SEMA3D: variants seen among roughly 807,000 people sequenced by gnomAD.
SEMA3D encodes semaphorin-3D.
SEMA3D carries 84 observed loss-of-function variants against 100.1 expected under a neutral mutation model. That is an observed-to-expected ratio of 0.84 (90% CI 0.70 to 1.01). SEMA3D has a LOEUF of 1.01. Among genes scored for constraint, SEMA3D ranks in the 50% least tolerant of loss-of-function variants. The probability of loss-of-function intolerance (pLI) is 0.00; values close to 1 mark genes in which losing one functional copy is unlikely to be tolerated. For synonymous variants in SEMA3D, 312 were observed against 320.7 expected (o/e 0.97, Z 0.29); for missense variants, 875 against 934.1 (o/e 0.94, Z 0.82).
the SEMA3D span, among the ~76,000 whole-genome samples, chr7:85,209,310 G>A: frequency 6.6e-6 from 1 of 151,774 alleles, no homozygotes; most frequent in African/African-American, 2.4e-5. Flanking sequence ...GTGTATATAT[G>A]TATATGTATA....
chr7:85,065,364 T>C (rs1347239379), intron 8 of SEMA3D, 60 bp downstream of exon 8: 14 of 1,486,102 alleles, frequency 9.4e-6, no homozygotes, highest in South Asian at 3.5e-5. Context: ...AATAATACAC[T>C]TCTTATCTAT....
At chr7:85,025,867 CCT>C (rs1790378868) in intron 12 of SEMA3D, among the ~76,000 whole-genome samples, 1 of 152,030 alleles carries the variant, frequency 6.6e-6, no homozygotes, top group Admixed American at 6.6e-5. Context: ...TAATTTCTCT[CCT>C]TCCCTCTCCC....
At chr7:85,099,685 G>T (rs759155639) in intron 3 of SEMA3D, among the ~76,000 whole-genome samples, 5 of 151,804 alleles carry the variant, frequency 3.3e-5, no homozygotes, top group Non-Finnish European at 5.9e-5. Flanking sequence ...ATCTTCATTA[G>T]CATTTGGTGG....
At chr7:85,098,196 T>C (rs751075213) in intron 3 of SEMA3D, among the ~76,000 whole-genome samples, 3 of 151,738 alleles carry the variant, frequency 2.0e-5, no homozygotes, top group Non-Finnish European at 2.9e-5. Context: ...ACATACAGCA[T>C]AAAAGGGCCA....
intron 6 of SEMA3D, among the ~76,000 whole-genome samples, chr7:85,071,098 T>C (rs975028119): frequency 1.3e-4 from 20 of 152,246 alleles, no homozygotes; most frequent in African/African-American, 4.6e-4. Context: ...TATAAAACAC[T>C]ATTTGCCCCC....
At chr7:85,154,003 T>G (rs1790507627) in intron 1 of SEMA3D, among the ~76,000 whole-genome samples, 1 of 152,144 alleles carries the variant, frequency 6.6e-6, no homozygotes, top group Non-Finnish European at 1.5e-5. Context: ...CATGTTGATC[T>G]TATCCAAAAA....
intron 12 of SEMA3D, among the ~76,000 whole-genome samples, chr7:85,025,562 G>A (rs1295665804): frequency 6.6e-6 from 1 of 152,008 alleles, no homozygotes; most frequent in African/African-American, 2.4e-5. Context: ...GCCCCAGACA[G>A]CTGTCAAAGG....
the SEMA3D span, among the ~76,000 whole-genome samples, chr7:85,240,249 T>A: frequency 5.1e-4 from 77 of 152,286 alleles, no homozygotes; most frequent in African/African-American, 1.8e-3. Flanking sequence ...CATTGATTGA[T>A]ATGATCATAC....
chr7:85,250,225 G>C, the SEMA3D span, among the ~76,000 whole-genome samples: 6 of 147,832 alleles, frequency 4.1e-5, no homozygotes, highest in African/African-American at 1.5e-4. Flanking sequence ...CTACGTCCAC[G>C]GAGTCTTGCT....
intron 1 of SEMA3D, among the ~76,000 whole-genome samples, chr7:85,180,425 T>G (rs907676260): frequency 2.0e-5 from 3 of 152,192 alleles, no homozygotes; most frequent in Non-Finnish European, 4.4e-5. Flanking sequence ...CTTGGATATG[T>G]CTTCATAGCA....
intron 3 of SEMA3D, among the ~76,000 whole-genome samples, chr7:85,114,783 A>T (rs1169959837): frequency 6.6e-6 from 1 of 152,230 alleles, no homozygotes; most frequent in East Asian, 1.9e-4. Context: ...AAGGGCTGAG[A>T]TGAATGAAAA....
chr7:85,203,922 A>T, the SEMA3D span, among the ~76,000 whole-genome samples: 1 of 152,178 alleles, frequency 6.6e-6, no homozygotes, highest in Admixed American at 6.6e-5. Context: ...TTGGAATAAA[A>T]AAATGCTTCT....
At chr7:85,090,699 A>C (rs1788359387) in intron 4 of SEMA3D, among the ~76,000 whole-genome samples, 1 of 152,158 alleles carries the variant, frequency 6.6e-6, no homozygotes. Context: ...ATAGAACTGG[A>C]GTCAGAACAT....
intron 1 of SEMA3D, among the ~76,000 whole-genome samples, chr7:85,162,158 C>A (rs1790764965): frequency 6.6e-6 from 1 of 151,830 alleles, no homozygotes; most frequent in Non-Finnish European, 1.5e-5. Flanking sequence ...AGTAACAAAG[C>A]AAGAATCAGA....
At chr7:85,018,192 G>T (rs903729478) in intron 15 of SEMA3D, 60 bp downstream of exon 15, 5 of 986,498 alleles carry the variant, frequency 5.1e-6, no homozygotes, top group Middle Eastern at 2.1e-4. Flanking sequence ...TTCAAATAAA[G>T]TTTGATTCAA....
At chr7:85,203,994 G>A in the SEMA3D span, among the ~76,000 whole-genome samples, 1 of 152,020 alleles carries the variant, frequency 6.6e-6, no homozygotes, top group Non-Finnish European at 1.5e-5. Flanking sequence ...CCCATGGAAT[G>A]AGGGGAAGAT....
the SEMA3D span, among the ~76,000 whole-genome samples, chr7:85,199,333 T>G: frequency 6.6e-6 from 1 of 152,144 alleles, no homozygotes; most frequent in African/African-American, 2.4e-5. Flanking sequence ...CATTATTTGC[T>G]CTACTTGATT....
At chr7:85,002,309 CT>C (rs1290220261) in intron 18 of SEMA3D, among the ~76,000 whole-genome samples, 2 of 152,148 alleles carry the variant, frequency 1.3e-5, no homozygotes, top group African/African-American at 4.8e-5. Context: ...CTTTCTAGGT[CT>C]AACTAATGTC....
upstream of SEMA3D, among the ~76,000 whole-genome samples, chr7:85,188,056 A>G (rs1433851071): frequency 1.3e-5 from 2 of 152,218 alleles, no homozygotes; most frequent in African/African-American, 4.8e-5. Flanking sequence ...GTAGGGTCCC[A>G]AAGCTTCCTT....
Sources: gnomAD v4.1 joint callset for allele counts (sites outside exome capture counted in the v4.1 genomes callset) on GRCh38, gnomAD v4.1.1 for gene constraint, MANE v1.5 for transcripts, NCBI Gene and HGNC (gene_info 2026-07-23, HGNC 2026-07-21) for gene names.